Variants in CHL1 observed in about 807,000 individuals in gnomAD.
The protein encoded by CHL1 is neural cell adhesion molecule L1-like protein.
A neutral mutation model predicts 141.9 loss-of-function variants in CHL1; 96 were observed. The ratio of observed to expected loss-of-function variants is 0.68; its 90% CI spans 0.57 to 0.80. The LOEUF (loss-of-function observed/expected upper bound fraction) is 0.80. Ranked by LOEUF, CHL1 falls within the 30% of genes least tolerant of loss-of-function variation. The probability of loss-of-function intolerance (pLI) is 0.00; values close to 1 mark genes in which losing one functional copy is unlikely to be tolerated. For missense variants in CHL1, 1,820 were observed against 1,457.2 expected, an observed-to-expected ratio of 1.25 and a Z score of -4.05; for synonymous variants, 613 against 502.2, an observed-to-expected ratio of 1.22 and a Z score of -2.95.
chr3:349,408 G>A lies in CHL1; in HGVS notation c.898G>A (p.Gly300Arg). 1 of 1,613,908 alleles carries A rather than the reference G, an allele frequency of 6.2e-7. No homozygotes were observed. Among genetic ancestry groups the A allele is most frequent in the Non-Finnish European group, 8.5e-7 (1 of 1,179,822 alleles). The change falls in exon 10 of 28, where the codon GGG (glycine) becomes AGG (arginine). Residue 300 changes from glycine (G) to arginine (R), a missense_variant. Physicochemically the swap from Gly to Arg is moderately radical, Grantham distance 125. Transcript: ENST00000256509. Reference sequence around the variant, plus strand: ...CAAAATTGGTGGTGACTTACCAAAGGGGAGAGAAACAAAAGAAAATTATGG... The same window carrying A: ...CAAAATTGGTGGTGACTTACCAAAGAGGAGAGAAACAAAAGAAAATTATGG... Reference protein sequence around the residue: ...WNKIGGDLPKGRETKENYGKT... With the variant: ...WNKIGGDLPKRRETKENYGKT...
Position 258,623 on chromosome 3 carries a change from G to T in CHL1, c.-95+13931G>T, listed in dbSNP as rs187298477. Among the ~76,000 whole-genome samples, 110 of 152,076 alleles carry T rather than the reference G, an allele frequency of 7.2e-4. 1 individual carries two copies. Among genetic ancestry groups the T allele is most frequent in the African/African-American group, 2.5e-3 (105 of 41,516 alleles). ...CATTTCCAGCTCCTTCAACTTTTCC[G>T]TCCATGAGATAATGTCAGTCCCTTT... is the stretch of plus-strand genomic sequence containing the variant. On this transcript the variant is annotated intron_variant, in intron 2 of 27. Transcript: ENST00000256509.
intron 1 of CHL1, among the ~76,000 whole-genome samples, chr3:202,985 G>C (rs1221682804): frequency 6.6e-6 from 1 of 152,186 alleles, no homozygotes; most frequent in East Asian, 1.9e-4. Context: ...CAAGATTCCT[G>C]TGACTTTGGG....
chr3:296,204 T>C (rs1698173880), intron 2 of CHL1, among the ~76,000 whole-genome samples: 1 of 152,154 alleles, frequency 6.6e-6, no homozygotes, highest in African/African-American at 2.4e-5. Context: ...TTCCTCTACA[T>C]TGGTGATTAT....
chr3:250,406 G>A (rs952748047), intron 2 of CHL1, among the ~76,000 whole-genome samples: 5 of 152,106 alleles, frequency 3.3e-5, no homozygotes, highest in Admixed American at 1.3e-4. Context: ...AAGAGATTTA[G>A]GCTTCTAGGA....
At chr3:313,208 C>T (rs529004021) in intron 2 of CHL1, among the ~76,000 whole-genome samples, 3 of 152,056 alleles carry the variant, frequency 2.0e-5, no homozygotes, top group African/African-American at 7.2e-5. Context: ...ATAAGAGTCA[C>T]CTTTTGTTCA....
intron 1 of CHL1, among the ~76,000 whole-genome samples, chr3:225,336 G>A (rs1327213550): frequency 6.6e-6 from 1 of 152,138 alleles, no homozygotes; most frequent in Non-Finnish European, 1.5e-5. Flanking sequence ...ATGATTAATA[G>A]ACAAACAATA....
chr3:348,257 A>G (rs1221544028), intron 9 of CHL1, among the ~76,000 whole-genome samples: 1 of 152,188 alleles, frequency 6.6e-6, no homozygotes, highest in East Asian at 1.9e-4. Flanking sequence ...AATTTATTGG[A>G]GCTTCAGACT....
chr3:366,883 G>C (rs897951291), intron 15 of CHL1, among the ~76,000 whole-genome samples: 2 of 152,172 alleles, frequency 1.3e-5, no homozygotes, highest in Admixed American at 6.5e-5. Flanking sequence ...ACCACTGTCT[G>C]CTCCCACTGG....
At chr3:287,742 A>G (rs1311334837) in intron 2 of CHL1, among the ~76,000 whole-genome samples, 1 of 151,820 alleles carries the variant, frequency 6.6e-6, no homozygotes, top group African/African-American at 2.4e-5. Flanking sequence ...GGTAGCAGAT[A>G]GATACATTGC....
intron 2 of CHL1, among the ~76,000 whole-genome samples, chr3:255,499 A>ATG (rs4002879): frequency 0.3 from 41,307 of 136,962 alleles, 5,956 homozygotes; most frequent in Middle Eastern, 0.4. Context: ...GTGTCTTTGT[A>ATG]TGTGTGTGTG....
intron 2 of CHL1, among the ~76,000 whole-genome samples, chr3:318,768 T>C (rs564487593): frequency 2.6e-4 from 40 of 151,622 alleles, no homozygotes; most frequent in African/African-American, 9.4e-4. Flanking sequence ...CATCTTCTAT[T>C]AGTGTGAAAA....
intron 21 of CHL1, 45 bp downstream of exon 21, chr3:390,861 T>A (rs184067908): frequency 1.2e-5 from 18 of 1,502,052 alleles, no homozygotes; most frequent in African/African-American, 6.9e-5. Flanking sequence ...AATTGGTATC[T>A]TTCCTGAGAA....
In CHL1 at chr3:393,093, C is replaced by T. The variant is rs1369340898; in HGVS notation, c.2914+1296C>T. Among the ~76,000 whole-genome samples, 12 of 152,080 alleles carry T rather than the reference C, an allele frequency of 7.9e-5. No homozygotes were observed. The East Asian group carries it at 9.7e-4, about 12-fold the overall frequency. On this transcript the variant is annotated intron_variant, in intron 23 of 27. Transcript: ENST00000256509. ...TTAAAAATACAAAAAATTATCCAGG[C>T]GTGGTGGTGGGCCCCTGTAGTCCCA...
intron 8 of CHL1, 87 bp from the exon 9 acceptor site, chr3:344,502 A>T: frequency 1.0e-6 from 1 of 970,340 alleles, no homozygotes. Context: ...CGTGTGTCGG[A>T]TTTTTTGTTT....
At chr3:314,699 C>A (rs1297141794) in intron 2 of CHL1, among the ~76,000 whole-genome samples, 1 of 151,848 alleles carries the variant, frequency 6.6e-6, no homozygotes, top group African/African-American at 2.4e-5. Context: ...TATCTTCCAA[C>A]AGGGTAGTGC....
chr3:370,778 T>G (rs1226549925), intron 15 of CHL1, among the ~76,000 whole-genome samples: 2 of 152,228 alleles, frequency 1.3e-5, no homozygotes, highest in Admixed American at 6.5e-5. Context: ...CTGCTTTAGC[T>G]GTGTCCCACA....
intron 2 of CHL1, among the ~76,000 whole-genome samples, chr3:311,631 G>A (rs2648466): frequency 0.19 from 29,346 of 152,074 alleles, 3,277 homozygotes; most frequent in South Asian, 0.33. Context: ...AACACAAACA[G>A]GTCTTACCCT....
chr3:302,861 G>A (rs1698878964), intron 2 of CHL1, among the ~76,000 whole-genome samples: 1 of 152,128 alleles, frequency 6.6e-6, no homozygotes, highest in African/African-American at 2.4e-5. Context: ...TTCTTCTAGA[G>A]TTTTTATGGT....
At chr3:274,149 AT>A (rs1222081393) in intron 2 of CHL1, among the ~76,000 whole-genome samples, 2 of 152,072 alleles carry the variant, frequency 1.3e-5, no homozygotes, top group African/African-American at 2.4e-5. Flanking sequence ...TGTTCACTAC[AT>A]TTTTTTCCCT....
Sources: gnomAD v4.1 joint callset for allele counts (sites outside exome capture counted in the v4.1 genomes callset) on GRCh38, gnomAD v4.1.1 for gene constraint, MANE v1.5 for transcripts, NCBI Gene and HGNC (gene_info 2026-07-23, HGNC 2026-07-21) for gene names.